Variants in CNTN5 observed in about 807,000 individuals in gnomAD.
CNTN5 encodes contactin-5.
CNTN5 carries 77 observed loss-of-function variants against 129.1 expected under a neutral mutation model. The ratio of observed to expected loss-of-function variants is 0.60; its 90% confidence interval spans 0.50 to 0.72. The LOEUF (loss-of-function observed/expected upper bound fraction) is 0.72. Ranked by LOEUF, CNTN5 falls within the 30% of genes least tolerant of loss-of-function variation. CNTN5 has a pLI of 0.00. For missense variants in CNTN5, 1,478 were observed against 1,328.8 expected, an observed-to-expected ratio of 1.11 and a Z score of -1.75; for synonymous variants, 509 against 465.6, an observed-to-expected ratio of 1.09 and a Z score of -1.20.
At chr11:99,946,585 A>T (rs1950557881) in intron 7 of CNTN5, among the ~76,000 whole-genome samples, 1 of 152,132 alleles carries the variant, frequency 6.6e-6, no homozygotes, top group South Asian at 2.1e-4. Context: ...CTACTGGGCA[A>T]AAAAGTAAGA....
intron 1 of CNTN5, among the ~76,000 whole-genome samples, chr11:99,225,960 T>G (rs538169993): frequency 6.6e-6 from 1 of 152,244 alleles, no homozygotes; most frequent in East Asian, 1.9e-4. Flanking sequence ...TGAGGAAGTA[T>G]CAAAAAAGAC....
chr11:99,650,299 G>T (rs1239409085), intron 3 of CNTN5, among the ~76,000 whole-genome samples: 1 of 151,822 alleles, frequency 6.6e-6, no homozygotes, highest in Non-Finnish European at 1.5e-5. Context: ...AAATCTAATG[G>T]GGAGTCAGAT....
chr11:99,804,714 A>T (rs1162848792), intron 3 of CNTN5, among the ~76,000 whole-genome samples: 1 of 151,500 alleles, frequency 6.6e-6, no homozygotes, highest in Non-Finnish European at 1.5e-5. Flanking sequence ...TTAAAGATAT[A>T]ATAAAAATAA....
intron 13 of CNTN5, among the ~76,000 whole-genome samples, chr11:100,190,235 A>T (rs1948437637): frequency 6.6e-6 from 1 of 152,126 alleles, no homozygotes; most frequent in Non-Finnish European, 1.5e-5. Flanking sequence ...ACTGGTTCTT[A>T]CCCAAAGCTA....
At chr11:99,889,326 G>GTGTGTGTGTGTGTT (rs1948991693) in intron 6 of CNTN5, among the ~76,000 whole-genome samples, 1 of 18,914 alleles carries the variant, frequency 5.3e-5, no homozygotes, top group Non-Finnish European at 2.4e-4. Context: ...GTGTGTGTGT[G>GTGTGTGTGTGTGTT]TGTGTGTGTG....
At chr11:100,084,679 GAGGT>G (rs773213930) in intron 13 of CNTN5, among the ~76,000 whole-genome samples, 2 of 151,954 alleles carry the variant, frequency 1.3e-5, no homozygotes, top group Non-Finnish European at 2.9e-5. Flanking sequence ...GAAAAAAAAA[GAGGT>G]AGGTAGGTAG....
At chr11:99,421,374 G>A (rs188786125) in intron 2 of CNTN5, among the ~76,000 whole-genome samples, 146 of 152,276 alleles carry the variant, frequency 9.6e-4, no homozygotes, top group African/African-American at 3.3e-3. Flanking sequence ...AGGCTACCCA[G>A]AGAACTGGGA....
intron 7 of CNTN5, among the ~76,000 whole-genome samples, chr11:99,940,769 C>G (rs996446871): frequency 5.3e-5 from 8 of 151,962 alleles, no homozygotes; most frequent in African/African-American, 1.9e-4. Flanking sequence ...CCACAAAGAT[C>G]TACCACTGGA....
At chr11:99,332,779 A>G (rs894691065) in intron 2 of CNTN5, among the ~76,000 whole-genome samples, 2 of 152,056 alleles carry the variant, frequency 1.3e-5, no homozygotes, top group Non-Finnish European at 2.9e-5. Flanking sequence ...TGGTAAATTA[A>G]CTAATTAGTC....
chr11:100,109,231 G>T (rs1046114065), intron 13 of CNTN5, among the ~76,000 whole-genome samples: 1 of 152,176 alleles, frequency 6.6e-6, no homozygotes, highest in East Asian at 1.9e-4. Context: ...TTCGAGACCA[G>T]CCTGGCCAAC....
At position 99,226,463 on chromosome 11, in the gene CNTN5, C is replaced by T. The variant is rs181759432; in HGVS notation, c.-209-98883C>T. Among the ~76,000 whole-genome samples, 15 of 152,234 alleles carry T rather than the reference C, an allele frequency of 9.9e-5. 1 individual carries two copies. Among genetic ancestry groups the T allele is most frequent in the South Asian group, 4.2e-4 (2 of 4,818 alleles). On this transcript the variant is annotated intron_variant, in intron 1 of 24. Transcript: ENST00000524871. ...ACCAATCAACTGTGCAATTACCTTG[C>T]GCTTCGTATCTTCTGGCTCTGTACC...
chr11:99,718,638 T>C (rs190348441), intron 3 of CNTN5, among the ~76,000 whole-genome samples: 2 of 152,212 alleles, frequency 1.3e-5, no homozygotes, highest in East Asian at 3.9e-4. Context: ...GGTCAGAAAC[T>C]TGAGAAGAAC....
At chr11:99,727,999 C>T (rs560771826) in intron 3 of CNTN5, among the ~76,000 whole-genome samples, 13 of 152,182 alleles carry the variant, frequency 8.5e-5, no homozygotes, top group East Asian at 1.9e-4. Flanking sequence ...TATGGTAATT[C>T]GTCTCTGACA....
intron 2 of CNTN5, among the ~76,000 whole-genome samples, chr11:99,545,082 A>G (rs1452579532): frequency 1.3e-5 from 2 of 152,214 alleles, no homozygotes; most frequent in African/African-American, 4.8e-5. Flanking sequence ...TTTACAGAAT[A>G]CGTTCCCAAG....
chr11:100,238,920 T>C (rs1317568867), intron 16 of CNTN5, among the ~76,000 whole-genome samples: 1 of 152,204 alleles, frequency 6.6e-6, no homozygotes, highest in Non-Finnish European at 1.5e-5. Context: ...ATAGAGTACA[T>C]TTTGACTACC....
intron 13 of CNTN5, among the ~76,000 whole-genome samples, chr11:100,188,960 A>G (rs1591372132): frequency 1.3e-5 from 2 of 152,180 alleles, no homozygotes; most frequent in East Asian, 3.9e-4. Flanking sequence ...CCATTATCCA[A>G]AGTGAATTAA....
At position 99,414,116 on chromosome 11, in the gene CNTN5, C is replaced by T. The variant is rs557919379; in HGVS notation, c.-71+88632C>T. On this transcript the variant is annotated intron_variant, in intron 2 of 24. Transcript: ENST00000524871. ...ATTTGAAGAAAATTCCTGCCTCTTCCTCCTAAACCACTGTGGATCAGGAAA... is the reference window on the plus strand; with the variant it reads ...ATTTGAAGAAAATTCCTGCCTCTTCTTCCTAAACCACTGTGGATCAGGAAA... Among the ~76,000 whole-genome samples, 3 of 152,300 alleles carry T rather than the reference C, an allele frequency of 2.0e-5. No homozygotes were observed. In the East Asian group the frequency reaches 5.8e-4, roughly 29 times the overall value.
intron 3 of CNTN5, among the ~76,000 whole-genome samples, chr11:99,594,864 G>GA (rs773079259): frequency 1.3e-5 from 2 of 152,256 alleles, no homozygotes; most frequent in Non-Finnish European, 2.9e-5. Context: ...GTTGATTTTT[G>GA]ATAGGACACA....
chr11:99,579,471 G>A (rs928001436), intron 3 of CNTN5, among the ~76,000 whole-genome samples: 2 of 150,778 alleles, frequency 1.3e-5, no homozygotes, highest in African/African-American at 2.4e-5. Context: ...AGCATGGAAT[G>A]TTCTTCCATT....
Sources: gnomAD v4.1 joint callset for allele counts (sites outside exome capture counted in the v4.1 genomes callset) on GRCh38, gnomAD v4.1.1 for gene constraint, MANE v1.5 for transcripts, NCBI Gene and HGNC (gene_info 2026-07-23, HGNC 2026-07-21) for gene names.